The following MICOS10 variants were observed in gnomAD, a reference collection of about 807,000 sequenced individuals.
MICOS10 encodes mitochondrial contact site and cristae organizing system subunit 10.
Under a neutral mutation model 13.4 loss-of-function variants are expected in MICOS10, and 5 were observed. The ratio of observed to expected loss-of-function variants is 0.37; its 90% confidence interval spans 0.20 to 0.78. MICOS10 has a LOEUF of 0.78. Among genes scored for constraint, MICOS10 ranks in the 30% least tolerant of loss-of-function variants. The pLI is 0.47. For synonymous variants in MICOS10, 35 were observed against 33.6 expected (o/e 1.04, Z -0.15); for missense variants, 101 against 94.6 (o/e 1.07, Z -0.28).
In MICOS10 at chr1:19,629,449, C is replaced by A. The variant is rs2094931817; in HGVS notation, c.*3048C>A. On this transcript the variant is annotated 3_prime_UTR_variant, in exon 4 of 4. Coordinates refer to ENST00000322753, the MANE Select transcript of MICOS10 (RefSeq NM_001032363.4). Reference sequence around the variant, plus strand: ...ATTTTGAGCTCATTTAGGTGAATGACTTTGGCATTCCATGTACCCACTAGG... The same window carrying A: ...ATTTTGAGCTCATTTAGGTGAATGAATTTGGCATTCCATGTACCCACTAGG... The A allele has an allele frequency of 6.6e-6, 1 of 152,244 alleles. No homozygotes were observed. Among genetic ancestry groups the A allele is most frequent in the African/African-American group, 2.4e-5 (1 of 41,460 alleles). 9.4% of individuals were successfully genotyped at this position (152,244 alleles called of 1,614,324 possible).
chr1:19,616,083 A>C (rs566728717), intron 1 of MICOS10, among the ~76,000 whole-genome samples: 19 of 151,968 alleles, frequency 1.3e-4, no homozygotes, highest in African/African-American at 4.1e-4. Flanking sequence ...CGCCCAGCTA[A>C]TTTTTGTATT....
chr1:19,621,908 A>G (rs1054975815), intron 1 of MICOS10, among the ~76,000 whole-genome samples, 192 bp from the exon 2 acceptor site: 1 of 152,136 alleles, frequency 6.6e-6, no homozygotes, highest in African/African-American at 2.4e-5. Flanking sequence ...TTTTTATTTC[A>G]TGTTGGGCAG....
intron 1 of MICOS10, among the ~76,000 whole-genome samples, chr1:19,607,911 A>G (rs2094841416): frequency 6.6e-6 from 1 of 152,198 alleles, no homozygotes; most frequent in African/African-American, 2.4e-5. Flanking sequence ...ATAGACCCAT[A>G]CATACATGGT....
chr1:19,608,994 C>CTTTTTTT lies in MICOS10; in HGVS notation c.64+11908_64+11914dup, dbSNP rs5772856. ...TTAAGATGTGAGCCACTTTTCCCAG[C>CTTTTTTT]TTTTTTTTTTTTTTTTTTTTTTTTT... is the stretch of plus-strand genomic sequence containing the variant. On this transcript the variant is annotated intron_variant, in intron 1 of 3. Coordinates refer to ENST00000322753, the MANE Select transcript of MICOS10 (RefSeq NM_001032363.4). 5.3e-4 allele frequency among the ~76,000 whole-genome samples: 32 copies of CTTTTTTT among 60,594 alleles called. 3 individuals carry two copies. Among genetic ancestry groups the CTTTTTTT allele is most frequent in the African/African-American group, 2.0e-3 (26 of 13,124 alleles). The allele number at this position is 60,594 out of a possible 152,430, so 39.8% of individuals were successfully genotyped here.
intron 1 of MICOS10, among the ~76,000 whole-genome samples, chr1:19,611,469 ATTTTTTT>A (rs768118529): frequency 7.7e-5 from 7 of 90,372 alleles, no homozygotes; most frequent in African/African-American, 2.1e-4. Context: ...TTGCAACTTG[ATTTTTTT>A]TTTTTTTTTT....
At chr1:19,607,362 A>T (rs1467853680) in intron 1 of MICOS10, among the ~76,000 whole-genome samples, 1 of 152,232 alleles carries the variant, frequency 6.6e-6, no homozygotes, top group Non-Finnish European at 1.5e-5. Flanking sequence ...CTTTCCTAAA[A>T]TGTGGCCTGT....
chr1:19,626,589 T>A lies in MICOS10; in HGVS notation c.*188T>A. On this transcript the variant is annotated 3_prime_UTR_variant, in exon 4 of 4. Coordinates refer to ENST00000322753, the MANE Select transcript of MICOS10 (RefSeq NM_001032363.4). ...TGTTTTGTATTTTCTCTCTGGAAGT[T>A]GTAAGGAGGTGGTCTTAAATAAATT... is the stretch of plus-strand genomic sequence containing the variant. 1 of 635,258 alleles carries A rather than the reference T, an allele frequency of 1.6e-6. No individual in the cohort carries two copies. Among genetic ancestry groups the A allele is most frequent in the African/African-American group, 1.8e-5 (1 of 54,608 alleles). The allele number at this position is 635,258 out of a possible 1,614,324, so 39.4% of individuals were successfully genotyped here.
intron 1 of MICOS10, among the ~76,000 whole-genome samples, chr1:19,600,174 G>A (rs1455570918): frequency 6.6e-6 from 1 of 152,186 alleles, no homozygotes; most frequent in Non-Finnish European, 1.5e-5. Flanking sequence ...TTGGAGCAGA[G>A]GAAACTAGCA....
In MICOS10 at chr1:19,623,528, C is replaced by G; in HGVS notation, c.167C>G (p.Ser56Cys). 6.2e-7 allele frequency: 1 copy of G among 1,613,472 alleles called. No homozygotes were observed. The highest frequency in any genetic ancestry group is 8.5e-7 in the Non-Finnish European group (1 of 1,179,786). The change falls in exon 3 of 4, where the codon TCC becomes TGC. Residue 56 changes from serine to cysteine, a missense_variant. By Grantham distance (112) the Ser-to-Cys change is moderately radical (BLOSUM62 -1). Coordinates refer to ENST00000322753, the MANE Select transcript of MICOS10 (RefSeq NM_001032363.4). ...GGCATGGGATTAGGAATGGCTTATT[C>G]CAACTGTCAGCATGATTTCCAGGCT... The part of the protein sequence containing the change: ...GSGMGLGMAY[S>C]NCQHDFQAPY...
chr1:19,622,199 T>TA, intron 2 of MICOS10, 52 bp downstream of exon 2: 1 of 1,446,166 alleles, frequency 6.9e-7, no homozygotes, highest in Non-Finnish European at 9.6e-7. Flanking sequence ...TACATATACG[T>TA]AGCAGGGACA....
intron 1 of MICOS10, among the ~76,000 whole-genome samples, chr1:19,618,677 T>A (rs552230015): frequency 6.6e-6 from 1 of 152,344 alleles, no homozygotes; most frequent in Non-Finnish European, 1.5e-5. Context: ...CCTGTCTTGC[T>A]GCAGCATCAG....
intron 1 of MICOS10, among the ~76,000 whole-genome samples, chr1:19,621,647 G>T (rs191388187): frequency 2.0e-5 from 3 of 152,296 alleles, no homozygotes; most frequent in Admixed American, 1.3e-4. Flanking sequence ...TTTAGGAATT[G>T]TTCTGGATTA....
At position 19,623,654 on chromosome 1, in the gene MICOS10, T is replaced by C. The variant is rs1253784997; in HGVS notation, c.222+71T>C. 5.5e-6 allele frequency: 6 copies of C among 1,099,798 alleles called. No homozygotes were observed. In the Admixed American group the frequency reaches 7.4e-5, roughly 14 times the overall value. 68.1% of individuals were successfully genotyped at this position (1,099,798 alleles called of 1,614,324 possible). ...TTCTCCTGAGCCCTGAAGAATTCTT[T>C]AGACTGTTTGTAATGAGTAAACCAT... On this transcript the variant is annotated intron_variant, in intron 3 of 3. Transcript: ENST00000322753.
intron 1 of MICOS10, among the ~76,000 whole-genome samples, chr1:19,610,720 G>T (rs994898018): frequency 2.6e-5 from 4 of 151,990 alleles, no homozygotes; most frequent in Admixed American, 1.3e-4. Flanking sequence ...ACCTTACTTT[G>T]ATAAATGTTT....
intron 1 of MICOS10, among the ~76,000 whole-genome samples, chr1:19,602,171 CT>C (rs2094817694): frequency 6.6e-6 from 1 of 152,314 alleles, no homozygotes; most frequent in African/African-American, 2.4e-5. Context: ...TGTTGATCCC[CT>C]AACGCCTGGT....
intron 1 of MICOS10, among the ~76,000 whole-genome samples, chr1:19,612,048 C>A (rs1277977380): frequency 7.0e-6 from 1 of 143,108 alleles, no homozygotes; most frequent in Non-Finnish European, 1.5e-5. Context: ...TTTTATTATT[C>A]ATTTATTTAT....
In MICOS10 at chr1:19,600,961, C is replaced by G. The variant is rs1031602587; in HGVS notation, c.64+3852C>G. ...CTGAAGGGAAGCCATGGTGAATGCA[C>G]AGCAACTTCTGTGAGTCCTTCTCTG... On this transcript the variant is annotated intron_variant, in intron 1 of 3. Coordinates refer to ENST00000322753, the MANE Select transcript of MICOS10 (RefSeq NM_001032363.4). The G allele has an allele frequency of 2.3e-6, 3 of 1,289,294 alleles. No individual in the cohort carries two copies. In the African/African-American group the frequency reaches 4.6e-5, roughly 20 times the overall value. The allele number at this position is 1,289,294 out of a possible 1,614,324, so 79.9% of individuals were successfully genotyped here. A position where few individuals can be genotyped will look rare whatever the true frequency, so the allele number is the denominator to read the frequency against.
At chr1:19,625,867 C>A (rs1336566200) in intron 3 of MICOS10, among the ~76,000 whole-genome samples, 2 of 152,156 alleles carry the variant, frequency 1.3e-5, no homozygotes, top group Non-Finnish European at 2.9e-5. Context: ...AAAATCCCAA[C>A]CTGGGCTTAT....
chr1:19,598,500 G>A (rs1020689253), intron 1 of MICOS10, among the ~76,000 whole-genome samples: 11 of 152,084 alleles, frequency 7.2e-5, no homozygotes, highest in African/African-American at 2.7e-4. Context: ...CTTTGAGCTG[G>A]GCGAAGTGGC....
Sources: gnomAD v4.1 joint callset for allele counts (sites outside exome capture counted in the v4.1 genomes callset) on GRCh38, gnomAD v4.1.1 for gene constraint, MANE v1.5 for transcripts, NCBI Gene and HGNC (gene_info 2026-07-23, HGNC 2026-07-21) for gene names.